Variants in FAF1 observed in about 807,000 individuals in gnomAD.
FAF1 encodes the protein Fas associated factor 1, also known as FAS-associated factor 1.
In FAF1, 25 loss-of-function variants were observed where a neutral mutation model predicts 92.5. The observed-to-expected ratio is 0.27, with a 90% CI of 0.20 to 0.38. The LOEUF is 0.38. Among genes scored for constraint, FAF1 ranks in the 10% least tolerant of loss-of-function variants. FAF1 has a pLI of 1.00. For missense variants in FAF1, 636 were observed against 793.3 expected, an observed-to-expected ratio of 0.80 and a Z score of 2.38; for synonymous variants, 234 against 273.2, an observed-to-expected ratio of 0.86 and a Z score of 1.42.
At chr1:50,952,712 G>A (rs541055122) in intron 1 of FAF1, among the ~76,000 whole-genome samples, 7 of 149,658 alleles carry the variant, frequency 4.7e-5, no homozygotes, top group Non-Finnish European at 8.9e-5. Flanking sequence ...GAGCGCCTCT[G>A]CCCCGCCACC....
At chr1:50,660,671 T>G (rs1456231525) in intron 7 of FAF1, among the ~76,000 whole-genome samples, 2 of 152,042 alleles carry the variant, frequency 1.3e-5, no homozygotes, top group Admixed American at 6.6e-5. Context: ...TTTTTGTATT[T>G]TTAGTAGAGA....
intron 2 of FAF1, among the ~76,000 whole-genome samples, chr1:50,813,207 G>A (rs1643933344): frequency 6.6e-6 from 1 of 151,658 alleles, no homozygotes; most frequent in Non-Finnish European, 1.5e-5. Context: ...ACTCTTGAAT[G>A]TAAAATAAAT....
At chr1:50,860,760 G>T (rs932497710) in intron 1 of FAF1, among the ~76,000 whole-genome samples, 1 of 151,420 alleles carries the variant, frequency 6.6e-6, no homozygotes, top group African/African-American at 2.4e-5. Flanking sequence ...AAAATTCATT[G>T]TACCAAAAAG....
intron 7 of FAF1, among the ~76,000 whole-genome samples, chr1:50,682,763 G>C (rs1656481271): frequency 6.6e-6 from 1 of 152,142 alleles, no homozygotes; most frequent in African/African-American, 2.4e-5. Context: ...ACTTCAGGGA[G>C]AAGCTGCTAT....
chr1:50,654,097 G>A (rs12746642), intron 8 of FAF1, among the ~76,000 whole-genome samples: 4,327 of 152,236 alleles, frequency 0.028, 125 homozygotes, highest in Admixed American at 0.1. Flanking sequence ...TACATAAATT[G>A]TCTTAAAACT....
intron 17 of FAF1, among the ~76,000 whole-genome samples, chr1:50,485,243 G>A (rs969232821): frequency 2.0e-5 from 3 of 151,962 alleles, no homozygotes; most frequent in African/African-American, 7.3e-5. Context: ...TTACAGGTAT[G>A]TGCCACTGTG....
chr1:50,942,372 A>C (rs1226989915), intron 1 of FAF1, among the ~76,000 whole-genome samples: 1 of 151,638 alleles, frequency 6.6e-6, no homozygotes, highest in Non-Finnish European at 1.5e-5. Context: ...TAAATTAGCC[A>C]GGTGTAGTAA....
At chr1:50,837,485 G>A (rs1379617783) in intron 2 of FAF1, among the ~76,000 whole-genome samples, 1 of 152,048 alleles carries the variant, frequency 6.6e-6, no homozygotes, top group Non-Finnish European at 1.5e-5. Flanking sequence ...TTTTTGGCAA[G>A]AATACTACAT....
chr1:50,634,148 T>A (rs184200175), intron 8 of FAF1, among the ~76,000 whole-genome samples: 5 of 152,302 alleles, frequency 3.3e-5, no homozygotes, highest in Non-Finnish European at 5.9e-5. Flanking sequence ...TTACCATGCA[T>A]AAATGTTCAT....
chr1:50,891,801 G>GCTC (rs1644722513), intron 1 of FAF1, among the ~76,000 whole-genome samples: 1 of 152,210 alleles, frequency 6.6e-6, no homozygotes. Context: ...GCTACTCAGG[G>GCTC]GTGAGGGACA....
intron 15 of FAF1, among the ~76,000 whole-genome samples, chr1:50,523,969 C>G (rs1647647760): frequency 6.6e-6 from 1 of 152,220 alleles, no homozygotes; most frequent in Non-Finnish European, 1.5e-5. Context: ...AATTGCCACA[C>G]TGTCTTCCAC....
chr1:50,926,686 A>G (rs576571636), intron 1 of FAF1, among the ~76,000 whole-genome samples: 1 of 152,226 alleles, frequency 6.6e-6, no homozygotes, highest in African/African-American at 2.4e-5. Flanking sequence ...TGTATCCCAT[A>G]AGTATACACA....
rs554611333 is a variant in FAF1, at chr1:50,588,049, G to C, written c.841-3238C>G. 2.3e-3 allele frequency among the ~76,000 whole-genome samples: 357 copies of C among 152,276 alleles called. 1 individual carries two copies. Among genetic ancestry groups the C allele is most frequent in the African/African-American group, 8.4e-3 (348 of 41,550 alleles). On this transcript the variant is annotated intron_variant, in intron 9 of 18. Transcript: ENST00000396153. ...TGCCTGTAATCCCAGCACTTTCAGA[G>C]GCCGAGGCAGGCGGATCACTTAAGG...
intron 15 of FAF1, among the ~76,000 whole-genome samples, chr1:50,505,410 T>C (rs1435767133): frequency 6.6e-6 from 1 of 152,174 alleles, no homozygotes; most frequent in Non-Finnish European, 1.5e-5. Context: ...TCCAGCTAAA[T>C]GGTCTAGAGA....
chr1:50,514,638 T>C (rs931041757), intron 15 of FAF1, among the ~76,000 whole-genome samples: 3 of 152,216 alleles, frequency 2.0e-5, no homozygotes, highest in Non-Finnish European at 4.4e-5. Context: ...TGAGATTGTC[T>C]TGCTTTGCTA....
chr1:50,585,419 T>G (rs1441189945), intron 9 of FAF1, among the ~76,000 whole-genome samples: 1 of 152,210 alleles, frequency 6.6e-6, no homozygotes, highest in East Asian at 1.9e-4. Context: ...TACTGAGAAT[T>G]TACTACCTGC....
chr1:50,545,215 A>G (rs923529887), intron 13 of FAF1, among the ~76,000 whole-genome samples: 4 of 152,238 alleles, frequency 2.6e-5, no homozygotes, highest in African/African-American at 9.6e-5. Context: ...GTAATAGCAC[A>G]TAAGCATGTT....
At chr1:50,619,909 CTTTTT>C (rs869279028) in intron 8 of FAF1, among the ~76,000 whole-genome samples, 1 of 140,280 alleles carries the variant, frequency 7.1e-6, no homozygotes, top group Non-Finnish European at 1.6e-5. Context: ...CTCTCTCTCT[CTTTTT>C]TTTTTTTTTT....
chr1:50,850,675 G>A (rs1211430289), intron 2 of FAF1, among the ~76,000 whole-genome samples: 1 of 151,832 alleles, frequency 6.6e-6, no homozygotes, highest in Admixed American at 6.6e-5. Context: ...TGAGTACCTG[G>A]CAGGTATAAG....
Sources: allele counts gnomAD v4.1 joint callset (sites outside exome capture counted in the v4.1 genomes callset), GRCh38; gene constraint gnomAD v4.1.1; transcripts MANE v1.5; gene names NCBI Gene and HGNC (gene_info 2026-07-23, HGNC 2026-07-21).